The following TMEM117 variants were observed in gnomAD, a reference collection of about 807,000 sequenced individuals.
TMEM117 encodes the protein transmembrane protein 117.
A neutral mutation model predicts 52.4 loss-of-function variants in TMEM117; 27 were observed. The ratio of observed to expected loss-of-function variants is 0.51; its 90% confidence interval spans 0.38 to 0.71. The LOEUF (loss-of-function observed/expected upper bound fraction) is 0.71, where lower values mean the gene tolerates loss of function less well. Among genes scored for constraint, TMEM117 ranks in the 30% least tolerant of loss-of-function variants. TMEM117 has a pLI of 0.00. For missense variants in TMEM117, 556 were observed against 630.5 expected (o/e 0.88, Z 1.26); for synonymous variants, 215 against 206.3 (o/e 1.04, Z -0.36).
chr12:43,984,994 T>A (rs1337602589), intron 3 of TMEM117, among the ~76,000 whole-genome samples: 1 of 151,100 alleles, frequency 6.6e-6, no homozygotes, highest in Non-Finnish European at 1.5e-5. Context: ...ATTTGCAACT[T>A]CTCTCTTTGA....
intron 2 of TMEM117, among the ~76,000 whole-genome samples, chr12:43,887,578 A>G (rs1275210998): frequency 6.6e-6 from 1 of 152,174 alleles, no homozygotes; most frequent in African/African-American, 2.4e-5. Context: ...GCCAGTGCAG[A>G]CATTTGATCT....
intron 1 of TMEM117, among the ~76,000 whole-genome samples, chr12:43,837,440 G>A (rs1386128494): frequency 1.3e-5 from 2 of 152,022 alleles, no homozygotes; most frequent in African/African-American, 4.8e-5. Flanking sequence ...TCCGCCTCCC[G>A]GGTTCAAGGG....
intron 2 of TMEM117, among the ~76,000 whole-genome samples, chr12:43,942,566 C>T (rs546341159): frequency 1.3e-5 from 2 of 151,956 alleles, no homozygotes; most frequent in South Asian, 2.1e-4. Flanking sequence ...ACCTTTGCTT[C>T]TCTTGGATAG....
intron 3 of TMEM117, among the ~76,000 whole-genome samples, chr12:44,036,319 A>G (rs1252476231): frequency 2.0e-5 from 3 of 152,234 alleles, no homozygotes; most frequent in Non-Finnish European, 2.9e-5. Context: ...TAAGCAACTA[A>G]TGTCCTGAAG....
intron 6 of TMEM117, among the ~76,000 whole-genome samples, chr12:44,322,834 A>G (rs1259490928): frequency 3.9e-5 from 6 of 152,068 alleles, no homozygotes; most frequent in African/African-American, 1.2e-4. Context: ...CCCCCACCAA[A>G]AAAGATACTC....
intron 5 of TMEM117, among the ~76,000 whole-genome samples, chr12:44,214,913 T>A (rs1338216916): frequency 6.6e-6 from 1 of 152,170 alleles, no homozygotes; most frequent in Non-Finnish European, 1.5e-5. Context: ...TAAAAGGGAT[T>A]TAGCAAGTAA....
chr12:44,154,082 T>C (rs547724121), intron 4 of TMEM117, among the ~76,000 whole-genome samples: 5 of 152,188 alleles, frequency 3.3e-5, no homozygotes, highest in African/African-American at 9.6e-5. Flanking sequence ...ATCTCAGACC[T>C]GGACCTGCCT....
At chr12:43,855,347 C>T (rs987255318) in intron 2 of TMEM117, among the ~76,000 whole-genome samples, 2 of 151,870 alleles carry the variant, frequency 1.3e-5, no homozygotes, top group African/African-American at 2.4e-5. Flanking sequence ...ACTGCAACCT[C>T]CGCCTGCCGG....
chr12:44,238,583 A>G (rs1342834528), intron 5 of TMEM117, among the ~76,000 whole-genome samples: 1 of 151,960 alleles, frequency 6.6e-6, no homozygotes, highest in African/African-American at 2.4e-5. Flanking sequence ...GTTGTGTGCA[A>G]TTATCGTGCT....
At chr12:43,944,436 C>T (rs1945096509) in intron 3 of TMEM117, 94 bp downstream of exon 3, 2 of 1,166,474 alleles carry the variant, frequency 1.7e-6, no homozygotes, top group Admixed American at 2.5e-5. Flanking sequence ...TCTAAGTCTG[C>T]TTTACAAATA....
chr12:43,799,559 A>G, the TMEM117 span: 3 of 1,001,582 alleles, frequency 3.0e-6, no homozygotes, highest in African/African-American at 5.0e-5. Flanking sequence ...ATGACAGTGA[A>G]GTTACTTTAG....
chr12:43,820,581 A>AT, the TMEM117 span, among the ~76,000 whole-genome samples: 5,154 of 135,110 alleles, frequency 0.038, 107 homozygotes, highest in African/African-American at 0.045. Flanking sequence ...CCACAGGCGT[A>AT]TTTTTTTTTT....
intron 2 of TMEM117, among the ~76,000 whole-genome samples, chr12:43,846,340 C>CT (rs34951339): frequency 0.32 from 48,713 of 152,000 alleles, 12,935 homozygotes; most frequent in African/African-American, 0.73. Context: ...TGTTATGATG[C>CT]GTTTGTCTCT....
chr12:44,295,141 C>G (rs762181796), intron 5 of TMEM117, among the ~76,000 whole-genome samples: 1 of 151,930 alleles, frequency 6.6e-6, no homozygotes, highest in Non-Finnish European at 1.5e-5. Flanking sequence ...TTTCATAAAT[C>G]GCGTATTTAT....
intron 6 of TMEM117, among the ~76,000 whole-genome samples, chr12:44,369,741 T>A (rs1951837080): frequency 6.6e-6 from 1 of 152,194 alleles, no homozygotes; most frequent in Non-Finnish European, 1.5e-5. Flanking sequence ...AGGTATGCCA[T>A]CTTTACTACT....
At chr12:43,880,533 C>T (rs1943878140) in intron 2 of TMEM117, among the ~76,000 whole-genome samples, 1 of 152,144 alleles carries the variant, frequency 6.6e-6, no homozygotes, top group African/African-American at 2.4e-5. Flanking sequence ...ATGCCAGCTC[C>T]TCCTGGGCAT....
rs527870794 is a variant in TMEM117 at position 43,954,022 on chromosome 12, A to G, written c.410+9680A>G. ...AGCCTACTCAAAACCACACAACTAC[A>G]TGGAAATTGAACAACCTGTTCCTGA... On this transcript the variant is annotated intron_variant, in intron 3 of 7. Coordinates refer to ENST00000266534, the MANE Select transcript of TMEM117 (RefSeq NM_032256.3). Among the ~76,000 whole-genome samples the G allele has an allele frequency of 6.6e-5, 10 of 152,358 alleles. No homozygotes were observed. The South Asian group carries it at 1.4e-3, about 22-fold the overall frequency.
upstream of TMEM117, among the ~76,000 whole-genome samples, chr12:43,833,042 G>T (rs1301170618): frequency 6.6e-6 from 1 of 152,194 alleles, no homozygotes; most frequent in Non-Finnish European, 1.5e-5. Flanking sequence ...TTCTTGGTCA[G>T]TGGTTAAAAA....
chr12:44,049,811 G>T (rs1276079342), intron 3 of TMEM117, among the ~76,000 whole-genome samples: 2 of 152,154 alleles, frequency 1.3e-5, no homozygotes, highest in Non-Finnish European at 2.9e-5. Flanking sequence ...AAAATAAAGG[G>T]CTGGGTTAGT....
Sources: gnomAD v4.1 joint callset for allele counts (sites outside exome capture counted in the v4.1 genomes callset) on GRCh38, gnomAD v4.1.1 for gene constraint, MANE v1.5 for transcripts, NCBI Gene and HGNC (gene_info 2026-07-23, HGNC 2026-07-21) for gene names.